The following CTNND2 variants were observed in gnomAD, a reference collection of about 807,000 sequenced individuals.
CTNND2 encodes the protein catenin delta 2, also known as catenin delta-2.
In CTNND2, 22 loss-of-function variants were observed where a neutral mutation model predicts 144.4. That is an observed-to-expected ratio of 0.15 (90% CI 0.11 to 0.22). The LOEUF (loss-of-function observed/expected upper bound fraction) is 0.22, where lower values mean the gene tolerates loss of function less well. Ranked by LOEUF, CTNND2 falls within the 10% of genes least tolerant of loss-of-function variation. CTNND2 has a pLI of 1.00. For synonymous variants in CTNND2, 751 were observed against 695.6 expected (o/e 1.08, Z -1.25); for missense variants, 1,353 against 1,618.8 (o/e 0.84, Z 2.82).
chr5:11,086,458 A>G (rs1394991522), intron 15 of CTNND2, among the ~76,000 whole-genome samples: 1 of 152,178 alleles, frequency 6.6e-6, no homozygotes, highest in East Asian at 1.9e-4. Context: ...GGAACGTAAA[A>G]TGTGGCCACG....
intron 9 of CTNND2, among the ~76,000 whole-genome samples, chr5:11,256,818 C>A (rs1156969958): frequency 6.6e-6 from 1 of 152,158 alleles, no homozygotes; most frequent in Non-Finnish European, 1.5e-5. Flanking sequence ...GCCAGGGTTT[C>A]TCAACCTCAG....
intron 9 of CTNND2, among the ~76,000 whole-genome samples, chr5:11,253,357 T>C (rs1743868518): frequency 6.6e-6 from 1 of 152,234 alleles, no homozygotes. Context: ...TCTTGAATTG[T>C]AGCTCCCATA....
chr5:11,013,304 T>C (rs374781774), intron 18 of CTNND2, among the ~76,000 whole-genome samples: 10 of 152,248 alleles, frequency 6.6e-5, no homozygotes, highest in Admixed American at 5.9e-4. Flanking sequence ...GGGCCTTTAT[T>C]TCCTTACAGA....
intron 1 of CTNND2, among the ~76,000 whole-genome samples, chr5:11,849,117 T>C (rs985826338): frequency 1.3e-5 from 2 of 152,246 alleles, no homozygotes; most frequent in Admixed American, 6.5e-5. Context: ...CAGTTCCACA[T>C]GGCTAGGGAG....
intron 2 of CTNND2, among the ~76,000 whole-genome samples, chr5:11,591,230 TAGA>T (rs767670190): frequency 6.6e-6 from 1 of 152,144 alleles, no homozygotes; most frequent in Admixed American, 6.6e-5. Context: ...ATGCCCTACT[TAGA>T]AGGTTATACA....
At chr5:11,443,143 T>A (rs1764426679) in intron 3 of CTNND2, among the ~76,000 whole-genome samples, 1 of 151,376 alleles carries the variant, frequency 6.6e-6, no homozygotes, top group South Asian at 2.1e-4. Context: ...TTACAACAAA[T>A]TCAGACTTTG....
At chr5:11,288,374 CT>C (rs1747968034) in intron 9 of CTNND2, among the ~76,000 whole-genome samples, 1 of 151,554 alleles carries the variant, frequency 6.6e-6, no homozygotes, top group Non-Finnish European at 1.5e-5. Context: ...CAACTGCTAA[CT>C]AATTTTAACA....
At chr5:11,738,841 C>T (rs1478725634) in intron 1 of CTNND2, among the ~76,000 whole-genome samples, 2 of 152,074 alleles carry the variant, frequency 1.3e-5, no homozygotes, top group African/African-American at 4.8e-5. Flanking sequence ...AGCTGCCCTC[C>T]CCTCTCTATA....
chr5:11,500,490 G>A (rs1315724129), intron 3 of CTNND2, among the ~76,000 whole-genome samples: 1 of 152,134 alleles, frequency 6.6e-6, no homozygotes, highest in Non-Finnish European at 1.5e-5. Context: ...GGATGATGTT[G>A]ACTTCTAGCC....
In CTNND2 at chr5:10,991,399, C is replaced by A. The variant is rs564382226; in HGVS notation, c.3211+1152G>T. Among the ~76,000 whole-genome samples, 3 of 152,282 alleles carry A rather than the reference C, an allele frequency of 2.0e-5. No individual in the cohort carries two copies. In the South Asian group the frequency reaches 6.2e-4, roughly 32 times the overall value. ...GGAAGAAAGCTTTCATAAATAAGAG[C>A]CTACATAGCTGTCATCTGTGTGGGT... On this transcript the variant is annotated intron_variant, in intron 19 of 21. Transcript: ENST00000304623.
At chr5:11,542,023 G>A (rs1055347750) in intron 3 of CTNND2, among the ~76,000 whole-genome samples, 1 of 151,890 alleles carries the variant, frequency 6.6e-6, no homozygotes, top group African/African-American at 2.4e-5. Context: ...TGTCCCCGTA[G>A]GGACATCATC....
chr5:11,880,880 GTAC>G (rs72004833), intron 1 of CTNND2, among the ~76,000 whole-genome samples: 41,322 of 124,648 alleles, frequency 0.33, 6,429 homozygotes, highest in South Asian at 0.45. Context: ...ACTGCTACTA[GTAC>G]TACTACTACT....
intron 9 of CTNND2, among the ~76,000 whole-genome samples, chr5:11,316,946 T>G (rs1452088723): frequency 6.6e-6 from 1 of 152,002 alleles, no homozygotes; most frequent in Non-Finnish European, 1.5e-5. Context: ...TGCCAGAATC[T>G]ACAATGAACT....
intron 1 of CTNND2, among the ~76,000 whole-genome samples, chr5:11,741,836 C>CATAT (rs772069264): frequency 9.0e-5 from 13 of 144,500 alleles, no homozygotes; most frequent in Admixed American, 6.3e-4. Context: ...TAGTAGTATT[C>CATAT]ATATATATAT....
intron 9 of CTNND2, among the ~76,000 whole-genome samples, chr5:11,239,473 A>G (rs1307514767): frequency 6.6e-6 from 1 of 152,022 alleles, no homozygotes; most frequent in Admixed American, 6.5e-5. Flanking sequence ...CCCAGACCTC[A>G]CCTTCACTCT....
chr5:11,382,046 G>A (rs2149794968), intron 7 of CTNND2, among the ~76,000 whole-genome samples: 1 of 152,184 alleles, frequency 6.6e-6, no homozygotes, highest in Admixed American at 6.5e-5. Flanking sequence ...TGGGTGACAG[G>A]ATCAACTGTA....
chr5:11,691,373 AAAAATAAAAT>A (rs376221473), intron 2 of CTNND2, among the ~76,000 whole-genome samples: 7,331 of 146,270 alleles, frequency 0.05, 240 homozygotes, highest in South Asian at 0.078. Flanking sequence ...CTCTGTCTCA[AAAAATAAAAT>A]AAAATAAAAT....
rs550118849 is a variant in CTNND2 at position 11,611,216 on chromosome 5, T to G, written c.175-46160A>C. ...GAAGAATGATGTGTTTGCTTCCCCTTCTGCCATGACTGTAAGTTTCCGGAG... is the reference window on the plus strand; with the variant it reads ...GAAGAATGATGTGTTTGCTTCCCCTGCTGCCATGACTGTAAGTTTCCGGAG... On this transcript the variant is annotated intron_variant, in intron 2 of 21. Coordinates refer to ENST00000304623, the MANE Select transcript of CTNND2 (RefSeq NM_001332.4). Among the ~76,000 whole-genome samples the G allele has an allele frequency of 3.3e-5, 5 of 152,276 alleles. No homozygotes were observed. The East Asian group carries it at 9.7e-4, about 29-fold the overall frequency.
At chr5:11,391,260 A>G (rs1759610034) in intron 6 of CTNND2, among the ~76,000 whole-genome samples, 1 of 151,926 alleles carries the variant, frequency 6.6e-6, no homozygotes, top group African/African-American at 2.4e-5. Flanking sequence ...TAACTGAGTT[A>G]TATCAGCTCT....
Sources: gnomAD v4.1 joint callset for allele counts (sites outside exome capture counted in the v4.1 genomes callset) on GRCh38, gnomAD v4.1.1 for gene constraint, MANE v1.5 for transcripts, NCBI Gene and HGNC (gene_info 2026-07-23, HGNC 2026-07-21) for gene names.